Variants in SNX29 observed in about 807,000 individuals in gnomAD.
The protein encoded by SNX29 is sorting nexin-29.
SNX29 carries 78 observed loss-of-function variants against 102.1 expected under a neutral mutation model. The ratio of observed to expected loss-of-function variants is 0.76; its 90% CI spans 0.64 to 0.92. The LOEUF (loss-of-function observed/expected upper bound fraction) is 0.92, where lower values mean the gene tolerates loss of function less well. SNX29 is among the 40% of genes least tolerant of loss of function. SNX29 has a pLI of 0.00. For missense variants in SNX29, 1,280 were observed against 1,061.7 expected (o/e 1.21, Z -2.86); for synonymous variants, 580 against 414.5 (o/e 1.40, Z -4.85).
At chr16:12,126,104 G>A (rs1039174529) in intron 11 of SNX29, among the ~76,000 whole-genome samples, 4 of 152,170 alleles carry the variant, frequency 2.6e-5, no homozygotes, top group African/African-American at 9.7e-5. Flanking sequence ...GTATACAGGA[G>A]CTCAGTAAAT....
chr16:12,010,849 A>G (rs1180228949), intron 3 of SNX29, among the ~76,000 whole-genome samples: 1 of 151,950 alleles, frequency 6.6e-6, no homozygotes, highest in Non-Finnish European at 1.5e-5. Flanking sequence ...TCCTGATGTT[A>G]TTCTTAATGC....
intron 13 of SNX29, among the ~76,000 whole-genome samples, chr16:12,157,316 GC>G (rs1487123458): frequency 1.3e-5 from 2 of 152,180 alleles, no homozygotes; most frequent in Non-Finnish European, 2.9e-5. Flanking sequence ...GCAGCACAGG[GC>G]AGACCTCATG....
Position 12,572,064 on chromosome 16 carries a change from T to A in SNX29, c.*3435T>A. On this transcript the variant is annotated 3_prime_UTR_variant, in exon 21 of 21. Coordinates refer to ENST00000566228, the MANE Select transcript of SNX29 (RefSeq NM_032167.5). ...GGAGTTGTAAACAAGGGAACCATCT[T>A]GCAAGATCTAGGAAGAGGAAGGGGA... is the stretch of plus-strand genomic sequence containing the variant. 1 of 1,063,582 alleles carries A rather than the reference T, an allele frequency of 9.4e-7. No individual in the cohort carries two copies. The allele number at this position is 1,063,582 out of a possible 1,614,324, so 65.9% of individuals were successfully genotyped here. A position where few individuals can be genotyped will look rare whatever the true frequency, so the allele number is the denominator to read the frequency against.
chr16:12,025,718 A>G (rs896622952), intron 3 of SNX29, among the ~76,000 whole-genome samples: 1 of 152,152 alleles, frequency 6.6e-6, no homozygotes, highest in Non-Finnish European at 1.5e-5. Context: ...AATGCTGTGG[A>G]TTTGCTGATG....
Position 12,404,855 on chromosome 16 carries a change from C to T in SNX29, c.2037+1326C>T, listed in dbSNP as rs566295409. On this transcript the variant is annotated intron_variant, in intron 18 of 20. Coordinates refer to ENST00000566228, the MANE Select transcript of SNX29 (RefSeq NM_032167.5). ...TTCATTTCTCACCTTCCCAAATGAC[C>T]GCTGTGCTTGGTCTCAGGTCTAAGC... Among the ~76,000 whole-genome samples, 7 of 152,234 alleles carry T rather than the reference C, an allele frequency of 4.6e-5. No homozygotes were observed. In the East Asian group the frequency reaches 5.8e-4, roughly 13 times the overall value.
chr16:12,408,967 A>G (rs1195549570), intron 18 of SNX29, among the ~76,000 whole-genome samples: 2 of 152,244 alleles, frequency 1.3e-5, no homozygotes, highest in East Asian at 3.8e-4. Flanking sequence ...GTGCATTGCC[A>G]AGGTTGAATG....
chr16:12,481,453 TACATATATATATAC>T (rs1033317101), intron 19 of SNX29, among the ~76,000 whole-genome samples: 2 of 103,226 alleles, frequency 1.9e-5, no homozygotes, highest in African/African-American at 9.1e-5. Flanking sequence ...CACACATATA[TACATATATATATAC>T]ACATATATAC....
chr16:12,308,679 G>T (rs1173038184), intron 15 of SNX29, among the ~76,000 whole-genome samples: 3 of 152,192 alleles, frequency 2.0e-5, no homozygotes, highest in Non-Finnish European at 4.4e-5. Flanking sequence ...CAATGCCTGT[G>T]TAATATTTTC....
chr16:12,308,427 G>A (rs1213056567), intron 15 of SNX29, among the ~76,000 whole-genome samples: 2 of 152,152 alleles, frequency 1.3e-5, no homozygotes, highest in East Asian at 1.9e-4. Flanking sequence ...TCTTAGTAGC[G>A]GCCACATCCT....
intron 18 of SNX29, among the ~76,000 whole-genome samples, chr16:12,444,081 C>A (rs1646306): frequency 6.9e-6 from 1 of 144,980 alleles, no homozygotes; most frequent in Non-Finnish European, 1.5e-5. Flanking sequence ...CTAGCACATA[C>A]TAAGCACTCA....
rs1461578571 is a variant in SNX29 at position 12,571,926 on chromosome 16, G to A, written c.*3297G>A. ...CATTTCTCTACTGGCAGGCCCTGGT[G>A]AAGGAAGACACTTTCAGGGAAGAGG... On this transcript the variant is annotated 3_prime_UTR_variant, in exon 21 of 21. Transcript: ENST00000566228. The A allele has an allele frequency of 9.4e-7, 1 of 1,062,194 alleles. No homozygotes were observed. The allele number at this position is 1,062,194 out of a possible 1,614,324, so 65.8% of individuals were successfully genotyped here.
At chr16:12,514,639 C>T (rs1303337457) in intron 19 of SNX29, among the ~76,000 whole-genome samples, 1 of 152,124 alleles carries the variant, frequency 6.6e-6, no homozygotes, top group Non-Finnish European at 1.5e-5. Flanking sequence ...CCAAGACGGG[C>T]AAATCACTTG....
chr16:12,502,744 C>A (rs1229471812), intron 19 of SNX29, among the ~76,000 whole-genome samples: 2 of 152,194 alleles, frequency 1.3e-5, no homozygotes, highest in Non-Finnish European at 2.9e-5. Context: ...ACTTAGATGA[C>A]AAATTATAAT....
chr16:12,524,962 C>T (rs3213481), intron 20 of SNX29, 121 bp downstream of exon 20: 320,497 of 1,397,592 alleles, frequency 0.23, 40,633 homozygotes, highest in East Asian at 0.57. Context: ...GGGACCCAGG[C>T]GAACTCCAGG....
In SNX29 at chr16:12,551,863, G is replaced by GTGA. The variant is rs746416959; in HGVS notation, c.2319-16641_2319-16639dup. 7.9e-4 allele frequency among the ~76,000 whole-genome samples: 121 copies of GTGA among 152,238 alleles called. 2 individuals are homozygous for GTGA. The highest frequency in any genetic ancestry group is 7.1e-4 in the Non-Finnish European group (48 of 68,012). The stretch of plus-strand genomic sequence containing the variant: ...CTGCTGGGGACACAGGAGCAGGCAG[G>GTGA]TGATATTTCTAGCCTGTCTGCTCAT... On this transcript the variant is annotated intron_variant, in intron 20 of 20. Transcript: ENST00000566228.
intron 13 of SNX29, among the ~76,000 whole-genome samples, chr16:12,149,158 A>G (rs941265724): frequency 6.6e-6 from 1 of 152,210 alleles, no homozygotes; most frequent in African/African-American, 2.4e-5. Context: ...TTATGTTTCC[A>G]AGGTGATTTC....
At chr16:12,155,979 C>A (rs1199616840) in intron 13 of SNX29, among the ~76,000 whole-genome samples, 1 of 152,186 alleles carries the variant, frequency 6.6e-6, no homozygotes, top group Non-Finnish European at 1.5e-5. Context: ...TGCAGTGCTC[C>A]CATCATCTCT....
chr16:12,053,664 G>GTT (rs75991516), intron 8 of SNX29, among the ~76,000 whole-genome samples: 5 of 147,042 alleles, frequency 3.4e-5, no homozygotes, highest in Non-Finnish European at 3.0e-5. Context: ...CAATATTAGG[G>GTT]TTTTTTTTTT....
chr16:12,259,603 A>T (rs1474156415), intron 14 of SNX29, among the ~76,000 whole-genome samples: 1 of 151,994 alleles, frequency 6.6e-6, no homozygotes, highest in Non-Finnish European at 1.5e-5. Context: ...CTTGAATATG[A>T]TTGTCTTCCT....
Sources: gnomAD v4.1 joint callset for allele counts (sites outside exome capture counted in the v4.1 genomes callset) on GRCh38, gnomAD v4.1.1 for gene constraint, MANE v1.5 for transcripts, NCBI Gene and HGNC (gene_info 2026-07-23, HGNC 2026-07-21) for gene names.